Variants in PPIL2 observed in about 807,000 individuals in gnomAD.
The protein encoded by PPIL2 is RING-type E3 ubiquitin-protein ligase PPIL2.
Under a neutral mutation model 75.2 loss-of-function variants are expected in PPIL2, and 50 were observed. The observed-to-expected ratio is 0.66, with a 90% CI of 0.53 to 0.84. The LOEUF is 0.84. PPIL2 is among the 40% of genes least tolerant of loss of function. PPIL2 has a pLI of 0.00. For missense variants in PPIL2, 590 were observed against 685.0 expected, an observed-to-expected ratio of 0.86 and a Z score of 1.55; for synonymous variants, 245 against 258.8, an observed-to-expected ratio of 0.95 and a Z score of 0.51.
chr22:21,668,738 G>T (rs2066495892), intron 1 of PPIL2, among the ~76,000 whole-genome samples: 1 of 144,546 alleles, frequency 6.9e-6, no homozygotes, highest in South Asian at 2.2e-4. Context: ...TTGAGACGGA[G>T]TCTCGCTCTG....
At chr22:21,679,268 C>G (rs2067005823) in intron 6 of PPIL2, among the ~76,000 whole-genome samples, 1 of 151,986 alleles carries the variant, frequency 6.6e-6, no homozygotes, top group South Asian at 2.1e-4. Context: ...TCTTGAAGTC[C>G]TGGGCTCAAG....
rs1224105115 is a variant in PPIL2 at position 21,695,028 on chromosome 22, C to A, written c.1424C>A (p.Thr475Asn). The A allele has an allele frequency of 2.4e-5, 38 of 1,612,638 alleles. No homozygotes were observed. Among genetic ancestry groups the A allele is most frequent in the Non-Finnish European group, 3.1e-5 (36 of 1,179,940 alleles). The change falls in exon 19 of 20, where the codon ACC becomes AAC. Residue 475 changes from threonine (T) to asparagine (N), a missense_variant. By Grantham distance (65) the Thr-to-Asn change is moderately conservative. Coordinates refer to ENST00000398831, the MANE Select transcript of PPIL2 (RefSeq NM_014337.4). ...CAGGCAGGGAGCCAGGGCCCCCAGA[C>A]CTTCCGCCAGGGCGTGGGCAAGTAC... ...QPQAGSQGPQ[T>N]FRQGVGKYIN...
At chr22:21,683,770 C>T (rs900761177) in intron 9 of PPIL2, among the ~76,000 whole-genome samples, 3 of 152,206 alleles carry the variant, frequency 2.0e-5, no homozygotes, top group Non-Finnish European at 2.9e-5. Flanking sequence ...ACAGGGATGC[C>T]GGCCCCTCTC....
rs1351744041 is a variant in PPIL2, at chr22:21,697,559, T to TTTA, written c.*2072_*2074dup. ...GATTTAAACATTTGACATCAGAAGC[T>TTTA]TTATTTGTAAACCTCACACAGATAA... On this transcript the variant is annotated 3_prime_UTR_variant, in exon 20 of 20. Transcript: ENST00000398831. The TTTA allele has an allele frequency of 1.3e-5, 2 of 155,184 alleles. No homozygotes were observed. The highest frequency in any genetic ancestry group is 4.9e-5 in the African/African-American group (2 of 40,806). 9.6% of individuals were successfully genotyped at this position (155,184 alleles called of 1,614,324 possible).
At chr22:21,676,309 T>TTTTTTGTGTG (rs71318714) in intron 6 of PPIL2, among the ~76,000 whole-genome samples, 7 of 123,064 alleles carry the variant, frequency 5.7e-5, no homozygotes, top group African/African-American at 2.2e-4. Flanking sequence ...TTTATTTATT[T>TTTTTTGTGTG]TGTGTGTGTG....
intron 10 of PPIL2, 55 bp downstream of exon 10, chr22:21,684,968 A>G (rs1466175529): frequency 2.5e-6 from 4 of 1,598,752 alleles, no homozygotes; most frequent in Non-Finnish European, 3.4e-6. Context: ...TGCCCATCTC[A>G]TGGCCTCTTG....
chr22:21,693,744 C>T (rs977238624), intron 15 of PPIL2, 72 bp from the exon 16 acceptor site: 1 of 1,454,886 alleles, frequency 6.9e-7, no homozygotes, highest in African/African-American at 1.4e-5. Flanking sequence ...TGGGCAGCTC[C>T]TGGTGTGCTC....
intron 5 of PPIL2, among the ~76,000 whole-genome samples, chr22:21,672,905 C>G (rs1569020747): frequency 6.6e-6 from 1 of 152,202 alleles, no homozygotes; most frequent in Non-Finnish European, 1.5e-5. Flanking sequence ...GAGGGAGCTC[C>G]CTGGACAATA....
At chr22:21,675,252 A>C (rs931239126) in intron 6 of PPIL2, 137 bp downstream of exon 6, 3 of 845,652 alleles carry the variant, frequency 3.5e-6, no homozygotes, top group Non-Finnish European at 5.7e-6. Context: ...AAAAAGTGTC[A>C]CAGGGCTGGG....
chr22:21,691,211 C>T (rs366026), intron 15 of PPIL2, among the ~76,000 whole-genome samples: 149,037 of 151,944 alleles, frequency 0.98, 73,174 homozygotes, highest in African/African-American at 1. Flanking sequence ...CCCAAAGTGC[C>T]GAGATTACAG....
At chr22:21,677,079 C>T (rs2066899492) in intron 6 of PPIL2, among the ~76,000 whole-genome samples, 2 of 151,824 alleles carry the variant, frequency 1.3e-5, no homozygotes, top group African/African-American at 4.8e-5. Flanking sequence ...CGGAGACGCT[C>T]CTCACTTCCT....
chr22:21,688,981 C>G (rs2067501710), intron 15 of PPIL2, 132 bp downstream of exon 15: 8 of 835,928 alleles, frequency 9.6e-6, no homozygotes, highest in African/African-American at 3.4e-5. Context: ...ACACCTAGGC[C>G]AAGCATGTGC....
At chr22:21,678,723 TTTTG>T (rs904255951) in intron 6 of PPIL2, among the ~76,000 whole-genome samples, 39 of 152,000 alleles carry the variant, frequency 2.6e-4, no homozygotes, top group African/African-American at 6.0e-4. Flanking sequence ...TCAGAAGGAT[TTTTG>T]TTTGTTTGTT....
intron 18 of PPIL2, 36 bp from the exon 19 acceptor site, chr22:21,694,901 G>T: frequency 8.1e-6 from 13 of 1,607,572 alleles, no homozygotes; most frequent in Non-Finnish European, 1.1e-5. Context: ...CCTGCCCGAG[G>T]TGCTGCCGGT....
chr22:21,687,285 C>G (rs2067408411), intron 12 of PPIL2, among the ~76,000 whole-genome samples: 1 of 152,164 alleles, frequency 6.6e-6, no homozygotes, highest in South Asian at 2.1e-4. Context: ...TGCACGGGTC[C>G]TGTTGCTTAA....
chr22:21,669,102 G>A (rs1347651411), intron 1 of PPIL2, among the ~76,000 whole-genome samples: 2 of 151,352 alleles, frequency 1.3e-5, no homozygotes, highest in African/African-American at 4.9e-5. Flanking sequence ...GCCCGCCTTG[G>A]CCTCCCAAAG....
chr22:21,692,211 A>T (rs1273293071), intron 15 of PPIL2, among the ~76,000 whole-genome samples: 1 of 149,998 alleles, frequency 6.7e-6, no homozygotes, highest in Admixed American at 6.7e-5. Flanking sequence ...GCTGGAGTGC[A>T]GCGGCGCGAT....
chr22:21,680,682 TA>T lies in PPIL2; in HGVS notation c.296-616del, dbSNP rs757286667. Among the ~76,000 whole-genome samples the T allele has an allele frequency of 3.7e-3, 559 of 150,658 alleles. 3 individuals carry two copies. The highest frequency in any genetic ancestry group is 6.5e-3 in the Non-Finnish European group (437 of 67,744). On this transcript the variant is annotated intron_variant, in intron 6 of 19. Coordinates refer to ENST00000398831, the MANE Select transcript of PPIL2 (RefSeq NM_014337.4). ...ATCTCTACTAAAAATACAGAAAAAT[TA>T]GCCGGGCATGATGGCAGGCACCTGT...
chr22:21,686,318 T>C (rs1365238672), intron 10 of PPIL2, among the ~76,000 whole-genome samples, 165 bp from the exon 11 acceptor site: 1 of 152,180 alleles, frequency 6.6e-6, no homozygotes, highest in Admixed American at 6.5e-5. Flanking sequence ...TGGCCTAGCC[T>C]TGGCTTCTTC....
Sources: gnomAD v4.1 joint callset for allele counts (sites outside exome capture counted in the v4.1 genomes callset) on GRCh38, gnomAD v4.1.1 for gene constraint, MANE v1.5 for transcripts, NCBI Gene and HGNC (gene_info 2026-07-23, HGNC 2026-07-21) for gene names.